Variants in SHANK2 observed in about 807,000 individuals in gnomAD.
SHANK2 encodes the protein SH3 and multiple ankyrin repeat domains 2, also known as SH3 and multiple ankyrin repeat domains protein 2.
SHANK2 carries 43 observed loss-of-function variants against 133.7 expected under a neutral mutation model. That is an observed-to-expected ratio of 0.32 (90% CI 0.25 to 0.41). SHANK2 has a LOEUF of 0.41. Among genes scored for constraint, SHANK2 ranks in the 10% least tolerant of loss-of-function variants. SHANK2 has a pLI of 1.00. For missense variants in SHANK2, 1,994 were observed against 2,235.8 expected (o/e 0.89, Z 2.18); for synonymous variants, 1,017 against 952.8 (o/e 1.07, Z -1.24).
At chr11:70,695,425 G>A (rs577696504) in intron 15 of SHANK2, among the ~76,000 whole-genome samples, 18 of 152,274 alleles carry the variant, frequency 1.2e-4, no homozygotes, top group Non-Finnish European at 2.2e-4. Context: ...ATGCAGAGTG[G>A]AAGAAGCCAG....
At position 70,850,763 on chromosome 11, in the gene SHANK2, A is replaced by G. The variant is rs536043490; in HGVS notation, c.1175-30081T>C. Reference sequence around the variant, plus strand: ...ATCAGACTGCTGGCGAATGGGGAGAAGCTGGGAAAGGTGACCTCACAAGGC... The same window carrying G: ...ATCAGACTGCTGGCGAATGGGGAGAGGCTGGGAAAGGTGACCTCACAAGGC... On this transcript the variant is annotated intron_variant, in intron 11 of 25. Transcript: ENST00000601538. Among the ~76,000 whole-genome samples the G allele has an allele frequency of 1.6e-3, 247 of 152,306 alleles. 1 individual carries two copies. The highest frequency in any genetic ancestry group is 5.8e-3 in the African/African-American group (241 of 41,560).
chr11:71,169,695 G>A (rs1555111789), intron 2 of SHANK2, among the ~76,000 whole-genome samples: 1 of 147,330 alleles, frequency 6.8e-6, no homozygotes, highest in Non-Finnish European at 1.5e-5. Flanking sequence ...AGGTTGCAGT[G>A]AGCTGAGATC....
rs373501136 is a variant in SHANK2, at chr11:70,581,280, A to G, written c.2062-78349T>C. 4.6e-5 allele frequency among the ~76,000 whole-genome samples: 7 copies of G among 152,338 alleles called. No individual in the cohort carries two copies. In the East Asian group the frequency reaches 1.3e-3, roughly 29 times the overall value. On this transcript the variant is annotated intron_variant, in intron 17 of 25. Transcript: ENST00000601538. ...TTAGGAAAGGCCTCTGCCTTCCTCA[A>G]AGATGGCATCTTCCTATCTGAATGG...
intron 10 of SHANK2, among the ~76,000 whole-genome samples, chr11:70,901,691 T>C (rs1001019408): frequency 2.0e-5 from 3 of 152,124 alleles, no homozygotes; most frequent in Admixed American, 6.5e-5. Context: ...AGGAGCCCCT[T>C]ACCCCCACAG....
chr11:71,158,992 A>T (rs1952958730), intron 2 of SHANK2, among the ~76,000 whole-genome samples: 1 of 152,252 alleles, frequency 6.6e-6, no homozygotes, highest in Non-Finnish European at 1.5e-5. Flanking sequence ...AAGAAAAAGT[A>T]AGAGGCAATG....
chr11:70,949,282 C>CG (rs1950799042), intron 10 of SHANK2, among the ~76,000 whole-genome samples: 2 of 152,212 alleles, frequency 1.3e-5, no homozygotes, highest in Non-Finnish European at 2.9e-5. Flanking sequence ...ACACAGGCAG[C>CG]GGGGGTGAAA....
intron 15 of SHANK2, among the ~76,000 whole-genome samples, chr11:70,689,663 A>T (rs1199924224): frequency 6.6e-6 from 1 of 152,208 alleles, no homozygotes; most frequent in African/African-American, 2.4e-5. Flanking sequence ...TGAGAAAAAG[A>T]TCAATTCAGA....
chr11:71,152,996 C>G (rs556522335), intron 2 of SHANK2, among the ~76,000 whole-genome samples: 1 of 152,280 alleles, frequency 6.6e-6, no homozygotes, highest in East Asian at 1.9e-4. Flanking sequence ...CAAATAATTG[C>G]GTGGGACATT....
chr11:70,910,210 A>G (rs1477663448), intron 10 of SHANK2, among the ~76,000 whole-genome samples: 2 of 152,184 alleles, frequency 1.3e-5, no homozygotes, highest in South Asian at 2.1e-4. Flanking sequence ...TAGGGCTTCA[A>G]TGCAGGAATT....
intron 2 of SHANK2, among the ~76,000 whole-genome samples, chr11:71,198,885 C>T (rs1953965584): frequency 1.3e-5 from 2 of 152,202 alleles, no homozygotes; most frequent in African/African-American, 2.4e-5. Context: ...GTGGCAGTCT[C>T]CTTAGACTGC....
In SHANK2 at chr11:70,619,491, G is replaced by A. The variant is rs550006680; in HGVS notation, c.2061+40337C>T. Among the ~76,000 whole-genome samples, 4 of 152,316 alleles carry A rather than the reference G, an allele frequency of 2.6e-5. No homozygotes were observed. The East Asian group carries it at 5.8e-4, about 22-fold the overall frequency. On this transcript the variant is annotated intron_variant, in intron 17 of 25. Transcript: ENST00000601538. ...ATAAGGACGCCTGTGGTCACACTCA[G>A]GCCCCCCTAAGCGATCCGTGATGAC...
chr11:71,125,405 C>G (rs1952163209), intron 3 of SHANK2, among the ~76,000 whole-genome samples: 1 of 152,218 alleles, frequency 6.6e-6, no homozygotes, highest in African/African-American at 2.4e-5. Context: ...GTAAGTGAAA[C>G]AGGCCTTAGT....
intron 14 of SHANK2, among the ~76,000 whole-genome samples, chr11:70,783,029 C>G (rs1947543178): frequency 1.3e-5 from 2 of 152,110 alleles, no homozygotes; most frequent in Admixed American, 1.3e-4. Flanking sequence ...TTCCTGCCGT[C>G]CTAAGAAGAG....
chr11:70,657,179 G>A (rs543905106), intron 17 of SHANK2, among the ~76,000 whole-genome samples: 1 of 152,316 alleles, frequency 6.6e-6, no homozygotes, highest in East Asian at 1.9e-4. Flanking sequence ...GCCAAGGGCT[G>A]CTTGGGGTAA....
chr11:70,697,235 A>G (rs1274343144), intron 15 of SHANK2, among the ~76,000 whole-genome samples: 1 of 152,254 alleles, frequency 6.6e-6, no homozygotes, highest in Non-Finnish European at 1.5e-5. Flanking sequence ...CCACTAAACT[A>G]GTGATTCACT....
intron 8 of SHANK2, among the ~76,000 whole-genome samples, chr11:71,078,128 G>T (rs1951245339): frequency 6.6e-6 from 1 of 150,860 alleles, no homozygotes; most frequent in African/African-American, 2.4e-5. Flanking sequence ...GAAAGAGCAA[G>T]GTGAGCTTGA....
At chr11:71,224,825 G>T (rs1369616988) in intron 1 of SHANK2, 29 bp from the exon 2 acceptor site, 1 of 152,148 alleles carries the variant, frequency 6.6e-6, no homozygotes, top group Non-Finnish European at 1.5e-5. Flanking sequence ...ACCGGGGCAT[G>T]GTCAGACACA....
chr11:70,647,806 C>T (rs1591701907), intron 17 of SHANK2, among the ~76,000 whole-genome samples: 1 of 152,306 alleles, frequency 6.6e-6, no homozygotes, highest in East Asian at 1.9e-4. Context: ...AGGTGGTGAA[C>T]TCAGCACTCA....
chr11:70,627,902 GA>G (rs1201720342), intron 17 of SHANK2, among the ~76,000 whole-genome samples: 3 of 152,188 alleles, frequency 2.0e-5, no homozygotes, highest in Admixed American at 6.5e-5. Context: ...GCTCAACCTG[GA>G]TTGGACCTCA....
Sources: gnomAD v4.1 joint callset for allele counts (sites outside exome capture counted in the v4.1 genomes callset) on GRCh38, gnomAD v4.1.1 for gene constraint, MANE v1.5 for transcripts, NCBI Gene and HGNC (gene_info 2026-07-23, HGNC 2026-07-21) for gene names.